TMEM232: variants seen among roughly 807,000 people sequenced by gnomAD.
TMEM232 encodes transmembrane protein 232.
A neutral mutation model predicts 78.8 loss-of-function variants in TMEM232; 80 were observed. That is an observed-to-expected ratio of 1.01 (90% CI 0.85 to 1.22). TMEM232 has a LOEUF of 1.22. Among genes scored for constraint, TMEM232 ranks in the 50% most tolerant of loss-of-function variants. TMEM232 has a pLI of 0.00. For missense variants in TMEM232, 881 were observed against 742.2 expected (o/e 1.19, Z -2.17); for synonymous variants, 297 against 254.3 (o/e 1.17, Z -1.60).
intron 10 of TMEM232, among the ~76,000 whole-genome samples, chr5:110,588,213 T>A (rs1779091884): frequency 6.6e-6 from 1 of 152,310 alleles, no homozygotes; most frequent in East Asian, 1.9e-4. Flanking sequence ...AACTGTGACA[T>A]ATATTTCATT....
chr5:110,483,369 A>ATAAT (rs1244333462), intron 12 of TMEM232, among the ~76,000 whole-genome samples: 1 of 152,188 alleles, frequency 6.6e-6, no homozygotes, highest in African/African-American at 2.4e-5. Context: ...AAGTCAAAAA[A>ATAAT]TAATAGATGT....
intron 1 of TMEM232, among the ~76,000 whole-genome samples, chr5:110,685,516 T>A (rs1362428913): frequency 6.6e-6 from 1 of 152,068 alleles, no homozygotes; most frequent in East Asian, 1.9e-4. Flanking sequence ...TACCAAATTC[T>A]GAGGAATATA....
intron 2 of TMEM232, among the ~76,000 whole-genome samples, chr5:110,652,660 G>A (rs1788500892): frequency 6.6e-6 from 1 of 152,056 alleles, no homozygotes; most frequent in Non-Finnish European, 1.5e-5. Flanking sequence ...GATAAACATA[G>A]CTATTTTAAC....
At chr5:110,687,001 T>C (rs1288928099) in intron 1 of TMEM232, among the ~76,000 whole-genome samples, 3 of 152,170 alleles carry the variant, frequency 2.0e-5, no homozygotes, top group African/African-American at 7.2e-5. Flanking sequence ...AAAGGAGCAC[T>C]GTTAATCAAG....
chr5:110,615,863 C>G lies in TMEM232; in HGVS notation c.902+2566G>C, dbSNP rs567551960. ...CTGCTATATACTAATGACAGAATAT[C>G]TGAAGAAGATATTATGAAAACAATC... On this transcript the variant is annotated intron_variant, in intron 8 of 13. Coordinates refer to ENST00000455884, the MANE Select transcript of TMEM232 (RefSeq NM_001039763.4). Among the ~76,000 whole-genome samples, 46 of 151,682 alleles carry G rather than the reference C, an allele frequency of 3.0e-4. 1 individual carries two copies. Among genetic ancestry groups the G allele is most frequent in the African/African-American group, 1.1e-3 (46 of 41,420 alleles).
intron 10 of TMEM232, among the ~76,000 whole-genome samples, chr5:110,598,525 G>T (rs1780473403): frequency 6.6e-6 from 1 of 152,026 alleles, no homozygotes; most frequent in African/African-American, 2.4e-5. Context: ...ATACCCAAAG[G>T]ACTATAAATC....
intron 12 of TMEM232, among the ~76,000 whole-genome samples, chr5:110,504,403 T>A (rs1265157520): frequency 6.6e-6 from 1 of 152,166 alleles, no homozygotes; most frequent in African/African-American, 2.4e-5. Context: ...TTGAAAATAA[T>A]ACAAAAATTG....
At chr5:110,579,286 TCAGA>T (rs931405889) in intron 10 of TMEM232, among the ~76,000 whole-genome samples, 52 of 150,868 alleles carry the variant, frequency 3.4e-4, no homozygotes, top group African/African-American at 1.0e-3. Flanking sequence ...AAATACTTTC[TCAGA>T]CAAACAAAAG....
At chr5:110,452,955 C>T (rs549174382) in intron 12 of TMEM232, among the ~76,000 whole-genome samples, 3 of 152,272 alleles carry the variant, frequency 2.0e-5, no homozygotes, top group South Asian at 2.1e-4. Flanking sequence ...CTTAACAGAA[C>T]GCTTCTGATT....
rs906344794 is a variant in TMEM232 at position 110,558,087 on chromosome 5, A to T, written c.1455+10360T>A. 2.6e-5 allele frequency among the ~76,000 whole-genome samples: 4 copies of T among 152,270 alleles called. No individual in the cohort carries two copies. The East Asian group carries it at 5.8e-4, about 22-fold the overall frequency. On this transcript the variant is annotated intron_variant, in intron 11 of 13. Coordinates refer to ENST00000455884, the MANE Select transcript of TMEM232 (RefSeq NM_001039763.4). ...GTACAGATCAGCAATTGTGGGCTGC[A>T]TGCTCTAACCCTAGGTGGTTGGGAC... is the stretch of plus-strand genomic sequence containing the variant.
chr5:110,529,617 T>A (rs969390566), intron 11 of TMEM232, among the ~76,000 whole-genome samples: 5 of 152,196 alleles, frequency 3.3e-5, no homozygotes, highest in Admixed American at 6.5e-5. Context: ...TAGCTTAAAT[T>A]GACGATGTTT....
intron 12 of TMEM232, among the ~76,000 whole-genome samples, chr5:110,446,524 A>C (rs370876557): frequency 6.6e-6 from 1 of 152,010 alleles, no homozygotes; most frequent in Non-Finnish European, 1.5e-5. Context: ...TTGGGGAAAC[A>C]GGGGTATATA....
upstream of TMEM232, among the ~76,000 whole-genome samples, chr5:110,729,272 G>A (rs573151030): frequency 2.2e-4 from 33 of 152,050 alleles, no homozygotes; most frequent in Non-Finnish European, 2.8e-4. Flanking sequence ...ATGAGCTCTC[G>A]TTTCTTAATA....
At chr5:110,468,761 G>A (rs1389409001) in intron 12 of TMEM232, among the ~76,000 whole-genome samples, 1 of 152,008 alleles carries the variant, frequency 6.6e-6, no homozygotes, top group Non-Finnish European at 1.5e-5. Context: ...AAAATCTTAG[G>A]AATAATGTCA....
In TMEM232 at chr5:110,623,336, T is replaced by C. The variant is rs1419965167; in HGVS notation, c.768+1931A>G. Among the ~76,000 whole-genome samples, 3 of 152,256 alleles carry C rather than the reference T, an allele frequency of 2.0e-5. 1 individual carries two copies. Among genetic ancestry groups the C allele is most frequent in the African/African-American group, 2.4e-5 (1 of 41,558 alleles). The stretch of plus-strand genomic sequence containing the variant: ...TTAAGTAATTATGCCTTTATTTCAA[T>C]GCATATAGGAACACTAAAAATCAAA... On this transcript the variant is annotated intron_variant, in intron 7 of 13. Coordinates refer to ENST00000455884, the MANE Select transcript of TMEM232 (RefSeq NM_001039763.4).
chr5:110,569,019 T>C (rs1776637141), intron 10 of TMEM232, among the ~76,000 whole-genome samples: 1 of 151,854 alleles, frequency 6.6e-6, no homozygotes, highest in Non-Finnish European at 1.5e-5. Flanking sequence ...AGAAAAATAC[T>C]TCCTGTTATT....
At chr5:110,612,391 T>C (rs958858133) in intron 8 of TMEM232, among the ~76,000 whole-genome samples, 4 of 152,038 alleles carry the variant, frequency 2.6e-5, no homozygotes, top group African/African-American at 9.7e-5. Flanking sequence ...AAGAAATGAA[T>C]CAAGAAGCAT....
At chr5:110,727,187 T>C (rs967502680), upstream of TMEM232, among the ~76,000 whole-genome samples, 10 of 151,948 alleles carry the variant, frequency 6.6e-5, no homozygotes, top group Admixed American at 5.9e-4. Flanking sequence ...TGCAATAGAA[T>C]TATCTAATAT....
intron 11 of TMEM232, among the ~76,000 whole-genome samples, chr5:110,567,345 G>C (rs896752148): frequency 3.3e-5 from 5 of 150,686 alleles, no homozygotes; most frequent in Non-Finnish European, 7.4e-5. Context: ...TATTAAACAT[G>C]GTTATAGCAT....
Sources: allele counts gnomAD v4.1 joint callset (sites outside exome capture counted in the v4.1 genomes callset), GRCh38; gene constraint gnomAD v4.1.1; transcripts MANE v1.5; gene names NCBI Gene and HGNC (gene_info 2026-07-23, HGNC 2026-07-21).